The following POU2F2 variants were observed in gnomAD, a reference collection of about 807,000 sequenced individuals.
POU2F2 encodes the protein POU class 2 homeobox 2.
A neutral mutation model predicts 63.5 loss-of-function variants in POU2F2; 14 were observed. That is an observed-to-expected ratio of 0.22 (90% confidence interval 0.15 to 0.34). POU2F2 has a LOEUF of 0.34. Ranked by LOEUF, POU2F2 falls within the 10% of genes least tolerant of loss-of-function variation. The pLI is 1.00. For missense variants in POU2F2, 607 were observed against 815.2 expected (o/e 0.74, Z 3.11); for synonymous variants, 306 against 348.6 (o/e 0.88, Z 1.36).
At chr19:42,194,468 A>G (rs2035107303) in intron 1 of POU2F2, among the ~76,000 whole-genome samples, 1 of 150,596 alleles carries the variant, frequency 6.6e-6, no homozygotes, top group African/African-American at 2.4e-5. Context: ...AGGAAGAAAG[A>G]AAGGAAGAGA....
Position 42,089,227 on chromosome 19 carries a change from A to AGAGAGGAGACAGGAAGGAG in POU2F2, c.*2011_*2029dup, listed in dbSNP as rs1342795499. On this transcript the variant is annotated 3_prime_UTR_variant, in exon 15 of 15. Coordinates refer to ENST00000692977, the MANE Select transcript of POU2F2 (RefSeq NM_001394376.1). ...AGAGAAGAGAGGAGAGCAAAGGGAGAGAGAGGAGACAGGAAGGAGGAGAGG... is the reference window on the plus strand; with the variant it reads ...AGAGAAGAGAGGAGAGCAAAGGGAGAGAGAGGAGACAGGAAGGAGGAGAGGAGACAGGAAGGAGGAGAGG... 2 of 152,112 alleles carry AGAGAGGAGACAGGAAGGAG rather than the reference A, an allele frequency of 1.3e-5. No homozygotes were observed. The highest frequency in any genetic ancestry group is 2.9e-5 in the Non-Finnish European group (2 of 67,960). The allele number at this position is 152,112 out of a possible 1,614,324, so 9.4% of individuals were successfully genotyped here.
chr19:42,120,459 G>C (rs2032474331), intron 4 of POU2F2, among the ~76,000 whole-genome samples: 1 of 152,172 alleles, frequency 6.6e-6, no homozygotes, highest in South Asian at 2.1e-4. Flanking sequence ...GACCTCAGGT[G>C]ATCTGCCCGC....
intron 1 of POU2F2, among the ~76,000 whole-genome samples, chr19:42,170,580 T>C (rs1351302011): frequency 6.6e-6 from 1 of 152,054 alleles, no homozygotes; most frequent in Non-Finnish European, 1.5e-5. Flanking sequence ...CATGTACACA[T>C]AGACGCACAA....
chr19:42,191,097 G>A (rs1319306628), intron 1 of POU2F2, among the ~76,000 whole-genome samples: 1 of 150,852 alleles, frequency 6.6e-6, no homozygotes, highest in Non-Finnish European at 1.5e-5. Flanking sequence ...AAAAAGGCTA[G>A]GGTTGTAGGA....
At chr19:42,132,524 G>T, upstream of POU2F2, 3 of 1,040,608 alleles carry the variant, frequency 2.9e-6, no homozygotes, top group South Asian at 2.3e-5. Flanking sequence ...GGGCCGGTCC[G>T]CCCCCTTCAG....
intron 1 of POU2F2, among the ~76,000 whole-genome samples, chr19:42,127,559 A>G (rs1278921878): frequency 6.6e-6 from 1 of 151,702 alleles, no homozygotes; most frequent in Non-Finnish European, 1.5e-5. Context: ...ATTTTTGTAT[A>G]TTTAGTAGAG....
At chr19:42,136,040 C>T (rs2034004481), upstream of POU2F2, among the ~76,000 whole-genome samples, 1 of 151,862 alleles carries the variant, frequency 6.6e-6, no homozygotes, top group Non-Finnish European at 1.5e-5. Flanking sequence ...CCCTCTAGAC[C>T]CGAAGTGCCC....
At chr19:42,129,066 C>T (rs1428321598) in intron 1 of POU2F2, among the ~76,000 whole-genome samples, 1 of 152,078 alleles carries the variant, frequency 6.6e-6, no homozygotes, top group Non-Finnish European at 1.5e-5. Context: ...CTCCTGACCT[C>T]AAGTGATCCG....
upstream of POU2F2, chr19:42,137,149 T>G (rs988487154): frequency 1.3e-5 from 2 of 152,146 alleles, no homozygotes; most frequent in Admixed American, 6.5e-5. Context: ...CCCATAGAGC[T>G]TATAGTCTTT....
intron 5 of POU2F2, among the ~76,000 whole-genome samples, chr19:42,104,818 C>T (rs1005357953): frequency 7.9e-5 from 12 of 152,132 alleles, no homozygotes; most frequent in Admixed American, 3.3e-4. Context: ...CCCAAACAGT[C>T]ACTGCTGATC....
chr19:42,091,533 C>T lies in POU2F2; in HGVS notation c.1599G>A (p.Val533=). The T allele has an allele frequency of 6.5e-7, 1 of 1,547,432 alleles. No homozygotes were observed. Residue 533 remains valine, a synonymous_variant, in exon 15 of 15, where the codon GTG becomes GTA. Coordinates refer to ENST00000692977, the MANE Select transcript of POU2F2 (RefSeq NM_001394376.1). ...CCGGGGCTGCACCGGCTGCCCCCAGCACCAGATTCCCGCTGCCATCAAGGC... is the reference window on the plus strand; with the variant it reads ...CCGGGGCTGCACCGGCTGCCCCCAGTACCAGATTCCCGCTGCCATCAAGGC... ...LTSLDGSGNL[V]LGAAGAAPGS... is the part of the protein sequence containing the mutation.
At position 42,156,896 on chromosome 19, in the gene POU2F2, G is replaced by A. The variant is rs1431473395; in HGVS notation, c.-9+3436C>T. The A allele has an allele frequency of 6.6e-6, 1 of 152,246 alleles. No homozygotes were observed. Among genetic ancestry groups the A allele is most frequent in the Non-Finnish European group, 1.5e-5 (1 of 68,062 alleles). The allele number at this position is 152,246 out of a possible 1,614,324, so 9.4% of individuals were successfully genotyped here. ...CCAGGATGAAAGCCGCTCACCTAGAGCAAAGCTTCTGCTTCCGAGGCATTC... is the reference window on the plus strand; with the variant it reads ...CCAGGATGAAAGCCGCTCACCTAGAACAAAGCTTCTGCTTCCGAGGCATTC... On this transcript the variant is annotated intron_variant, in intron 2 of 6. Transcript: ENST00000524801. This position sits in a 1 kb window ranked among gnomAD's most constrained non-coding sequence, Gnocchi z 4.1.
chr19:42,151,843 C>G (rs2034358197), intron 2 of POU2F2, among the ~76,000 whole-genome samples: 1 of 152,206 alleles, frequency 6.6e-6, no homozygotes. Flanking sequence ...GCGTTCTCCT[C>G]TCTTAAGCCA....
chr19:42,190,111 G>T (rs1488906582), intron 1 of POU2F2, among the ~76,000 whole-genome samples: 1 of 152,124 alleles, frequency 6.6e-6, no homozygotes, highest in Admixed American at 6.6e-5. Context: ...AAGAGGGAAG[G>T]TGTGGAAACA....
At position 42,124,320 on chromosome 19, in the gene POU2F2, A is replaced by G. The variant is rs60800323; in HGVS notation, c.29-1744T>C. 5.7e-3 allele frequency among the ~76,000 whole-genome samples: 828 copies of G among 146,278 alleles called. 8 individuals carry two copies. Among genetic ancestry groups the G allele is most frequent in the African/African-American group, 0.02 (791 of 39,600 alleles). On this transcript the variant is annotated intron_variant, in intron 1 of 14. Transcript: ENST00000692977. ...CCCTGTCTCAAAAAAAAAAAAAAAG[A>G]AAAAAAAAAAGAATGGAGCTAAAGT...
intron 1 of POU2F2, among the ~76,000 whole-genome samples, chr19:42,194,481 G>A (rs541092130): frequency 1.6e-4 from 24 of 149,226 alleles, no homozygotes; most frequent in African/African-American, 4.7e-4. Context: ...GGAAGAGATC[G>A]GGTGCCGTGG....
At chr19:42,170,349 G>A (rs1260760948) in intron 1 of POU2F2, among the ~76,000 whole-genome samples, 1 of 150,928 alleles carries the variant, frequency 6.6e-6, no homozygotes, top group Non-Finnish European at 1.5e-5. Context: ...CGGCCTCATG[G>A]GCCACCAGAT....
At chr19:42,179,532 G>A (rs898372269), upstream of POU2F2, among the ~76,000 whole-genome samples, 2 of 152,034 alleles carry the variant, frequency 1.3e-5, no homozygotes, top group African/African-American at 4.8e-5. Context: ...GGGGAAGGCA[G>A]GGAGGGAAAG....
chr19:42,195,094 GAA>G, intron 1 of POU2F2, among the ~76,000 whole-genome samples: 2 of 81,614 alleles, frequency 2.5e-5, no homozygotes, highest in South Asian at 1.2e-3. Context: ...AGGAAGGGAG[GAA>G]GGAAGGGAGG....
Sources: gnomAD v4.1 joint callset for allele counts (sites outside exome capture counted in the v4.1 genomes callset) on GRCh38, gnomAD v4.1.1 for gene constraint, Gnocchi (gnomAD v3.1) non-coding constraint, MANE v1.5 for transcripts, NCBI Gene and HGNC (gene_info 2026-07-23, HGNC 2026-07-21) for gene names.